Variants in RBPMS observed in about 807,000 individuals in gnomAD.
The protein encoded by RBPMS is RNA-binding protein with multiple splicing.
In RBPMS, 7 loss-of-function variants were observed where a neutral mutation model predicts 26.8. The ratio of observed to expected loss-of-function variants is 0.26; its 90% CI spans 0.15 to 0.49. RBPMS has a LOEUF of 0.49. RBPMS is among the 20% of genes least tolerant of loss of function. The pLI, the probability that RBPMS is intolerant of heterozygous loss-of-function variation, is 0.98. For synonymous variants in RBPMS, 96 were observed against 93.3 expected (o/e 1.03, Z -0.17); for missense variants, 186 against 250.0 (o/e 0.74, Z 1.73).
rs746329006 is a variant in RBPMS at position 30,420,041 on chromosome 8, A to G, written c.66+34883A>G. Among the ~76,000 whole-genome samples the G allele has an allele frequency of 7.2e-5, 11 of 152,152 alleles. 1 individual carries two copies. The highest frequency in any genetic ancestry group is 1.2e-4 in the Non-Finnish European group (8 of 68,024). ...GGAGCTCGAGACCAGCCTGGGCAAC[A>G]TGGCAAGACCTTGTCTCAACAAAAG... is the stretch of plus-strand genomic sequence containing the variant. On this transcript the variant is annotated intron_variant, in intron 1 of 8. Coordinates refer to ENST00000397323, the MANE Select transcript of RBPMS (RefSeq NM_001008710.3).
At chr8:30,504,779 A>G (rs1224638403) in intron 5 of RBPMS, among the ~76,000 whole-genome samples, 1 of 152,192 alleles carries the variant, frequency 6.6e-6, no homozygotes, top group African/African-American at 2.4e-5. Context: ...GCTGGTTCTC[A>G]GCATTTACTT....
At chr8:30,431,746 C>T (rs1234735616) in intron 1 of RBPMS, among the ~76,000 whole-genome samples, 3 of 152,112 alleles carry the variant, frequency 2.0e-5, no homozygotes, top group Non-Finnish European at 4.4e-5. Flanking sequence ...GCCACCGCGC[C>T]CAGCCCTCTC....
intron 5 of RBPMS, among the ~76,000 whole-genome samples, chr8:30,516,544 A>AGAC (rs769631828): frequency 7.9e-5 from 12 of 152,172 alleles, no homozygotes; most frequent in Non-Finnish European, 1.5e-4. Context: ...CCTCCTTGGG[A>AGAC]GACTCTACCC....
chr8:30,492,469 AT>A (rs1041774608), intron 4 of RBPMS, among the ~76,000 whole-genome samples: 1 of 152,056 alleles, frequency 6.6e-6, no homozygotes, highest in Non-Finnish European at 1.5e-5. Context: ...TAAAAAAAAA[AT>A]ACCCCTTTTA....
At chr8:30,511,081 G>A (rs972174169) in intron 5 of RBPMS, among the ~76,000 whole-genome samples, 3 of 152,032 alleles carry the variant, frequency 2.0e-5, no homozygotes, top group African/African-American at 7.2e-5. Flanking sequence ...GGAGGCCGAG[G>A]TGATCTCAAG....
chr8:30,549,368 T>C (rs1211461229), intron 6 of RBPMS: 1 of 734,778 alleles, frequency 1.4e-6, no homozygotes, highest in Non-Finnish European at 2.4e-6. Flanking sequence ...GCTGTGGCTA[T>C]CCGGAAAACG....
chr8:30,504,154 T>A, intron 4 of RBPMS, 132 bp from the exon 5 acceptor site: 1 of 822,908 alleles, frequency 1.2e-6, no homozygotes, highest in Non-Finnish European at 2.0e-6. Context: ...CCTGTGTAAG[T>A]AGTAAGAATG....
At chr8:30,464,839 G>T (rs1190056222) in intron 1 of RBPMS, among the ~76,000 whole-genome samples, 2 of 152,138 alleles carry the variant, frequency 1.3e-5, no homozygotes, top group Non-Finnish European at 1.5e-5. Context: ...CCATGGAAAA[G>T]TCTTTATTGT....
chr8:30,544,164 G>A (rs531734820), intron 5 of RBPMS, among the ~76,000 whole-genome samples: 1 of 152,120 alleles, frequency 6.6e-6, no homozygotes, highest in Non-Finnish European at 1.5e-5. Context: ...TCAGAGGGTC[G>A]CATTTCCTGT....
At position 30,480,363 on chromosome 8, in the gene RBPMS, G is replaced by A. The variant is rs74881134; in HGVS notation, c.246+986G>A. 6.1e-3 allele frequency among the ~76,000 whole-genome samples: 921 copies of A among 152,228 alleles called. 2 individuals carry two copies. The highest frequency in any genetic ancestry group is 7.9e-3 in the Non-Finnish European group (534 of 68,014). On this transcript the variant is annotated intron_variant, in intron 4 of 8. Transcript: ENST00000397323. ...TGAGTAGACCATGCAGAGTGCTGTT[G>A]GAGAGACCTGATATAGGTGATGACT...
At chr8:30,545,461 A>T (rs965202381) in intron 6 of RBPMS, 30 of 1,005,312 alleles carry the variant, frequency 3.0e-5, no homozygotes, top group Non-Finnish European at 3.6e-5. Flanking sequence ...AGTAACAAAT[A>T]GAAAGTACGT....
At chr8:30,492,139 G>C (rs1300496662) in intron 4 of RBPMS, among the ~76,000 whole-genome samples, 1 of 152,148 alleles carries the variant, frequency 6.6e-6, no homozygotes, top group African/African-American at 2.4e-5. Flanking sequence ...TGATCCACCT[G>C]CCCCGGCCTC....
chr8:30,450,906 A>G (rs1165959933), intron 1 of RBPMS, among the ~76,000 whole-genome samples: 1 of 151,936 alleles, frequency 6.6e-6, no homozygotes, highest in Non-Finnish European at 1.5e-5. Context: ...GTACTGACTG[A>G]TGAAAGGCAG....
At chr8:30,478,593 A>C (rs1337355759) in intron 3 of RBPMS, among the ~76,000 whole-genome samples, 1 of 148,142 alleles carries the variant, frequency 6.8e-6, no homozygotes, top group Admixed American at 6.9e-5. Context: ...TCCGCCTCCC[A>C]GGTTCAAGTG....
At chr8:30,547,681 G>A (rs978011675) in intron 6 of RBPMS, among the ~76,000 whole-genome samples, 6 of 152,184 alleles carry the variant, frequency 3.9e-5, no homozygotes, top group Non-Finnish European at 1.5e-5. Context: ...TCCTGGAGCC[G>A]AGGCCACACT....
At chr8:30,471,686 CT>C (rs1481040283) in intron 1 of RBPMS, among the ~76,000 whole-genome samples, 1 of 152,190 alleles carries the variant, frequency 6.6e-6, no homozygotes, top group Non-Finnish European at 1.5e-5. Context: ...ATGGTGTTCA[CT>C]TTCTGGACTA....
chr8:30,562,516 A>G (rs1827586886), intron 7 of RBPMS, among the ~76,000 whole-genome samples: 1 of 152,000 alleles, frequency 6.6e-6, no homozygotes, highest in Admixed American at 6.5e-5. Flanking sequence ...CTAAAGTTAG[A>G]CTAGCTCAGT....
intron 1 of RBPMS, among the ~76,000 whole-genome samples, chr8:30,473,616 G>A (rs749375953): frequency 3.3e-5 from 5 of 152,032 alleles, no homozygotes; most frequent in Non-Finnish European, 5.9e-5. Flanking sequence ...AGGAATATAC[G>A]TCATTCTGTT....
rs529384355 is a variant in RBPMS at position 30,550,080 on chromosome 8, G to T, written c.528+5456G>T. ...TTAGCCAGGATGGTCTCGATCTCATGACCTTATGATCTGCCCGCCTTGGCC... is the reference window on the plus strand; with the variant it reads ...TTAGCCAGGATGGTCTCGATCTCATTACCTTATGATCTGCCCGCCTTGGCC... On this transcript the variant is annotated intron_variant, in intron 6 of 8. Transcript: ENST00000397323. Among the ~76,000 whole-genome samples, 18 of 152,210 alleles carry T rather than the reference G, an allele frequency of 1.2e-4. No individual in the cohort carries two copies. In the East Asian group the frequency reaches 3.1e-3, roughly 26 times the overall value.
Sources: allele counts gnomAD v4.1 joint callset (sites outside exome capture counted in the v4.1 genomes callset), GRCh38; gene constraint gnomAD v4.1.1; transcripts MANE v1.5; gene names NCBI Gene and HGNC (gene_info 2026-07-23, HGNC 2026-07-21).